CPQ: variants seen among roughly 807,000 people sequenced by gnomAD.
CPQ encodes carboxypeptidase Q.
Under a neutral mutation model 45.7 loss-of-function variants are expected in CPQ, and 37 were observed. The ratio of observed to expected loss-of-function variants is 0.81; its 90% CI spans 0.62 to 1.07. The LOEUF (loss-of-function observed/expected upper bound fraction) is 1.07. Among genes scored for constraint, CPQ ranks in the 50% least tolerant of loss-of-function variants. The probability of loss-of-function intolerance (pLI) is 0.00; values close to 1 mark genes in which losing one functional copy is unlikely to be tolerated. For synonymous variants in CPQ, 186 were observed against 205.8 expected (o/e 0.90, Z 0.82); for missense variants, 537 against 572.9 (o/e 0.94, Z 0.64).
chr8:96,761,621 A>G (rs948807157), intron 1 of CPQ: 1 of 152,186 alleles, frequency 6.6e-6, no homozygotes, highest in Non-Finnish European at 1.5e-5. Context: ...CTGGGTACCA[A>G]TCAAGGTTCT....
intron 1 of CPQ, among the ~76,000 whole-genome samples, chr8:96,775,279 C>T (rs191561362): frequency 5.1e-4 from 77 of 152,222 alleles, no homozygotes; most frequent in African/African-American, 1.8e-3. Context: ...CTGAAATAAA[C>T]ATCATAGACA....
At chr8:96,936,320 T>A (rs1418634879) in intron 4 of CPQ, among the ~76,000 whole-genome samples, 4 of 152,308 alleles carry the variant, frequency 2.6e-5, no homozygotes, top group South Asian at 2.1e-4. Context: ...TGTTTTCAGG[T>A]CTGTTTCAAT....
At chr8:96,663,398 G>C (rs1026166047) in intron 1 of CPQ, among the ~76,000 whole-genome samples, 1 of 152,226 alleles carries the variant, frequency 6.6e-6, no homozygotes, top group African/African-American at 2.4e-5. Flanking sequence ...CTGACCTGTT[G>C]TCAGCCTTGG....
intron 6 of CPQ, chr8:97,055,604 G>A (rs367593170): frequency 2.0e-5 from 3 of 152,134 alleles, no homozygotes; most frequent in African/African-American, 7.2e-5. Flanking sequence ...TGGTCGCTTG[G>A]ACTGAGTCAG....
chr8:96,867,721 T>G (rs1215060430), intron 3 of CPQ, among the ~76,000 whole-genome samples: 2 of 152,082 alleles, frequency 1.3e-5, no homozygotes, highest in Non-Finnish European at 2.9e-5. Flanking sequence ...ATATGCACAA[T>G]TTTGAAACAT....
intron 4 of CPQ, among the ~76,000 whole-genome samples, chr8:96,884,989 T>C (rs1563520769): frequency 6.6e-6 from 1 of 152,172 alleles, no homozygotes; most frequent in Non-Finnish European, 1.5e-5. Flanking sequence ...CAAATATCTT[T>C]GGAGACTTGA....
At chr8:96,685,155 A>C (rs1334412163) in intron 1 of CPQ, among the ~76,000 whole-genome samples, 1 of 152,142 alleles carries the variant, frequency 6.6e-6, no homozygotes, top group African/African-American at 2.4e-5. Flanking sequence ...GAGTTAGCTC[A>C]GTGTTTTATG....
intron 3 of CPQ, among the ~76,000 whole-genome samples, chr8:96,848,075 G>A (rs1255387813): frequency 6.6e-6 from 1 of 152,042 alleles, no homozygotes; most frequent in Non-Finnish European, 1.5e-5. Context: ...ACTAGCCTCT[G>A]CCTGGGTGTC....
intron 4 of CPQ, among the ~76,000 whole-genome samples, chr8:96,908,044 G>C (rs1012598338): frequency 2.0e-5 from 3 of 151,758 alleles, no homozygotes; most frequent in East Asian, 3.9e-4. Flanking sequence ...GGTTCCCAAG[G>C]CTCCACCTGT....
At chr8:96,883,457 A>G (rs1436409882) in intron 4 of CPQ, among the ~76,000 whole-genome samples, 1 of 152,214 alleles carries the variant, frequency 6.6e-6, no homozygotes, top group Non-Finnish European at 1.5e-5. Flanking sequence ...AGAGTTGATC[A>G]TAAATACTTT....
intron 4 of CPQ, among the ~76,000 whole-genome samples, chr8:96,913,488 G>A (rs1386637672): frequency 6.6e-6 from 1 of 152,170 alleles, no homozygotes; most frequent in East Asian, 1.9e-4. Flanking sequence ...CATGTTAGGT[G>A]TAGGAAGAGG....
chr8:97,102,863 AGT>A (rs1216747565), intron 7 of CPQ, among the ~76,000 whole-genome samples: 9 of 152,200 alleles, frequency 5.9e-5, no homozygotes, highest in Admixed American at 5.9e-4. Context: ...ACAACAAAAA[AGT>A]GTCTTTTTTT....
At chr8:96,656,907 A>G (rs1421470930) in intron 1 of CPQ, among the ~76,000 whole-genome samples, 1 of 152,092 alleles carries the variant, frequency 6.6e-6, no homozygotes, top group East Asian at 1.9e-4. Flanking sequence ...CTAACCCAGG[A>G]GGTCTAGCCA....
intron 7 of CPQ, among the ~76,000 whole-genome samples, chr8:97,078,763 TTCTCTCTCTCTCTCTC>T (rs749278181): frequency 0.041 from 4,149 of 100,408 alleles, 214 homozygotes; most frequent in African/African-American, 0.14. Flanking sequence ...TCATTTCCAT[TTCTCTCTCTCTCTCTC>T]TCTCTCTCTC....
At chr8:96,789,722 A>AT (rs1225840944) in intron 2 of CPQ, among the ~76,000 whole-genome samples, 2 of 152,164 alleles carry the variant, frequency 1.3e-5, no homozygotes, top group East Asian at 3.8e-4. Flanking sequence ...AAATAATTTT[A>AT]TTTTTAAGCG....
intron 1 of CPQ, among the ~76,000 whole-genome samples, chr8:96,759,833 A>C (rs1002657590): frequency 2.6e-5 from 4 of 152,198 alleles, no homozygotes; most frequent in African/African-American, 9.6e-5. Flanking sequence ...GAGTATTTGC[A>C]TCATGCCAGC....
At chr8:96,714,456 C>T (rs1809650520) in intron 1 of CPQ, among the ~76,000 whole-genome samples, 1 of 152,018 alleles carries the variant, frequency 6.6e-6, no homozygotes, top group African/African-American at 2.4e-5. Context: ...TTTTGTAATT[C>T]CCCAAATGTG....
chr8:96,911,637 C>T (rs528264773), intron 4 of CPQ, among the ~76,000 whole-genome samples: 9 of 152,160 alleles, frequency 5.9e-5, no homozygotes, highest in Non-Finnish European at 1.0e-4. Flanking sequence ...GCCATCAGGG[C>T]CCACTCTATA....
At chr8:96,703,626 T>C (rs1166064037) in intron 1 of CPQ, among the ~76,000 whole-genome samples, 1 of 152,096 alleles carries the variant, frequency 6.6e-6, no homozygotes, top group Non-Finnish European at 1.5e-5. Flanking sequence ...ATTTGTTGAG[T>C]ACTAGCTACT....
Sources: allele counts gnomAD v4.1 joint callset (sites outside exome capture counted in the v4.1 genomes callset), GRCh38; gene constraint gnomAD v4.1.1; transcripts MANE v1.5; gene names NCBI Gene and HGNC (gene_info 2026-07-23, HGNC 2026-07-21).